The following PXDNL variants were observed in gnomAD, a reference collection of about 807,000 sequenced individuals.
PXDNL encodes probable oxidoreductase PXDNL.
A neutral mutation model predicts 150.8 loss-of-function variants in PXDNL; 145 were observed. The observed-to-expected ratio is 0.96, with a 90% CI of 0.84 to 1.10. The LOEUF (loss-of-function observed/expected upper bound fraction) is 1.10. PXDNL is among the 50% of genes least tolerant of loss of function. The pLI is 0.00. For synonymous variants in PXDNL, 757 were observed against 725.7 expected, an observed-to-expected ratio of 1.04 and a Z score of -0.69; for missense variants, 2,087 against 1,873.9, an observed-to-expected ratio of 1.11 and a Z score of -2.10.
intron 3 of PXDNL, among the ~76,000 whole-genome samples, chr8:51,580,170 A>G (rs1288808285): frequency 6.6e-6 from 1 of 152,066 alleles, no homozygotes; most frequent in Non-Finnish European, 1.5e-5. Flanking sequence ...GGCAGAGGGA[A>G]GCGAATGCAG....
At chr8:51,789,497 A>G (rs2129254572) in intron 1 of PXDNL, among the ~76,000 whole-genome samples, 1 of 152,294 alleles carries the variant, frequency 6.6e-6, no homozygotes, top group African/African-American at 2.4e-5. Context: ...GAGGGAGAAA[A>G]AAAGGAAAAC....
chr8:51,458,406 AT>A (rs35456821), intron 8 of PXDNL, among the ~76,000 whole-genome samples: 3 of 152,074 alleles, frequency 2.0e-5, no homozygotes, highest in Non-Finnish European at 4.4e-5. Context: ...ATGTTTACAG[AT>A]TTTTTTTCTG....
chr8:51,564,439 G>T (rs76804797), intron 3 of PXDNL, among the ~76,000 whole-genome samples: 3,655 of 151,678 alleles, frequency 0.024, 157 homozygotes, highest in African/African-American at 0.083. Flanking sequence ...GGTCACAGAC[G>T]GTTGGTTCAC....
intron 19 of PXDNL, among the ~76,000 whole-genome samples, chr8:51,368,256 C>G (rs1447567391): frequency 6.6e-6 from 1 of 152,196 alleles, no homozygotes; most frequent in Non-Finnish European, 1.5e-5. Context: ...ATCACCCATA[C>G]AAACCCATAG....
intron 2 of PXDNL, among the ~76,000 whole-genome samples, chr8:51,630,765 T>G (rs1331599447): frequency 2.0e-5 from 3 of 149,948 alleles, no homozygotes; most frequent in Non-Finnish European, 4.5e-5. Context: ...AGTTATTATC[T>G]AAGAGTCAAA....
rs570402446 is a variant in PXDNL, at chr8:51,546,372, C to G, written c.380+10468G>C. ...ATCTCAAAAGCTAAGCAAGATCCAG[C>G]CTGGTTAGTACTTGGATGGGATTTA... On this transcript the variant is annotated intron_variant, in intron 4 of 22. Coordinates refer to ENST00000356297, the MANE Select transcript of PXDNL (RefSeq NM_144651.5). Among the ~76,000 whole-genome samples the G allele has an allele frequency of 8.5e-5, 13 of 152,236 alleles. 1 individual carries two copies. The East Asian group carries it at 2.5e-3, about 29-fold the overall frequency.
intron 4 of PXDNL, among the ~76,000 whole-genome samples, chr8:51,507,112 C>T (rs1482960443): frequency 6.6e-6 from 1 of 152,136 alleles, no homozygotes. Context: ...AGACAAGATC[C>T]TTGACCGTCT....
chr8:51,494,609 C>A (rs7465120), intron 5 of PXDNL, among the ~76,000 whole-genome samples: 72,887 of 151,416 alleles, frequency 0.48, 20,730 homozygotes, highest in Non-Finnish European at 0.63. Context: ...TAGAAAACAA[C>A]AAAAGGCAGG....
At chr8:51,330,815 T>G (rs1805659798) in intron 21 of PXDNL, among the ~76,000 whole-genome samples, 1 of 152,172 alleles carries the variant, frequency 6.6e-6, no homozygotes, top group Non-Finnish European at 1.5e-5. Flanking sequence ...ATTCCAAGCC[T>G]CAAATCTCAT....
chr8:51,537,498 G>A (rs1812105855), intron 4 of PXDNL, among the ~76,000 whole-genome samples: 1 of 152,132 alleles, frequency 6.6e-6, no homozygotes, highest in South Asian at 2.1e-4. Context: ...ACTGCTTGAA[G>A]CTGGACATGA....
intron 1 of PXDNL, among the ~76,000 whole-genome samples, chr8:51,684,302 G>A (rs575702052): frequency 1.5e-3 from 233 of 152,256 alleles, no homozygotes; most frequent in African/African-American, 5.3e-3. Flanking sequence ...GTATTCCATC[G>A]TCACCATGAA....
intron 1 of PXDNL, among the ~76,000 whole-genome samples, chr8:51,687,605 G>T (rs1489998210): frequency 1.3e-5 from 2 of 152,184 alleles, no homozygotes; most frequent in African/African-American, 4.8e-5. Flanking sequence ...GATTCCACTT[G>T]ACCCAACAGT....
chr8:51,502,093 A>C (rs886546879), intron 4 of PXDNL, among the ~76,000 whole-genome samples: 1 of 152,220 alleles, frequency 6.6e-6, no homozygotes, highest in Non-Finnish European at 1.5e-5. Context: ...AGCAAAAAAA[A>C]ATTTATTGTC....
intron 3 of PXDNL, among the ~76,000 whole-genome samples, chr8:51,575,149 G>A (rs952681904): frequency 2.0e-5 from 3 of 151,986 alleles, no homozygotes; most frequent in African/African-American, 7.2e-5. Flanking sequence ...GACTTAAGAG[G>A]AGGAAAGATT....
chr8:51,331,113 C>T (rs1281555531), intron 21 of PXDNL, among the ~76,000 whole-genome samples: 1 of 152,196 alleles, frequency 6.6e-6, no homozygotes, highest in African/African-American at 2.4e-5. Context: ...AAGCAGACTG[C>T]TCCTGCAGGA....
chr8:51,517,254 C>A (rs1022754058), intron 4 of PXDNL, among the ~76,000 whole-genome samples: 1 of 151,898 alleles, frequency 6.6e-6, no homozygotes, highest in Non-Finnish European at 1.5e-5. Flanking sequence ...CAGAAATTCT[C>A]CAGGTGATTC....
intron 17 of PXDNL, among the ~76,000 whole-genome samples, chr8:51,376,114 T>C (rs73579645): frequency 0.033 from 4,960 of 152,242 alleles, 262 homozygotes; most frequent in African/African-American, 0.11. Flanking sequence ...CCATAATGAG[T>C]ACACGGAATT....
At position 51,453,540 on chromosome 8, in the gene PXDNL, C is replaced by T. The variant is rs767443515; in HGVS notation, c.1228G>A (p.Ala410Thr). The T allele has an allele frequency of 8.7e-6, 14 of 1,614,032 alleles. No individual in the cohort carries two copies. In the South Asian group the frequency reaches 1.4e-4, roughly 16 times the overall value. ...ANNSHGTVQA[A>T]ANIIVQAPPQ... ...ATACCTTGTACAATTATGTTTGCTGCAGCTTGAACAGTGCCGTGGCTATTG... is the reference window on the plus strand; with the variant it reads ...ATACCTTGTACAATTATGTTTGCTGTAGCTTGAACAGTGCCGTGGCTATTG... Residue 410 changes from alanine (A) to threonine (T), a missense_variant, in exon 10 of 23, where the codon GCA becomes ACA. Transcript: ENST00000356297.
chr8:51,483,113 G>A (rs1810640329), intron 6 of PXDNL, among the ~76,000 whole-genome samples: 1 of 152,220 alleles, frequency 6.6e-6, no homozygotes, highest in African/African-American at 2.4e-5. Flanking sequence ...AATGCAGGAG[G>A]GTGGAGACAC....
Sources: allele counts gnomAD v4.1 joint callset (sites outside exome capture counted in the v4.1 genomes callset), GRCh38; gene constraint gnomAD v4.1.1; transcripts MANE v1.5; gene names NCBI Gene and HGNC (gene_info 2026-07-23, HGNC 2026-07-21).